Variants in CEP128 observed in about 807,000 individuals in gnomAD.
CEP128 encodes centrosomal protein 128kDa.
A neutral mutation model predicts 156.7 loss-of-function variants in CEP128; 132 were observed. That is an observed-to-expected ratio of 0.84 (90% CI 0.73 to 0.97). The LOEUF is 0.97. Ranked by LOEUF, CEP128 falls within the 50% of genes least tolerant of loss-of-function variation. CEP128 has a pLI of 0.00. For synonymous variants in CEP128, 469 were observed against 448.9 expected (o/e 1.04, Z -0.57); for missense variants, 1,252 against 1,281.9 (o/e 0.98, Z 0.36).
chr14:80,920,681 C>T (rs1594848040), intron 2 of CEP128, among the ~76,000 whole-genome samples: 1 of 152,004 alleles, frequency 6.6e-6, no homozygotes, highest in Admixed American at 6.6e-5. Context: ...TATTCAGGGC[C>T]ATGAGAAAAC....
chr14:80,663,550 CAAT>C, intron 19 of CEP128, among the ~76,000 whole-genome samples: 2 of 152,232 alleles, frequency 1.3e-5, no homozygotes, highest in East Asian at 3.9e-4. Context: ...ATAATAACCA[CAAT>C]GATATCAATC....
chr14:80,563,524 C>CTTTTTTTT (rs540593415), intron 20 of CEP128, among the ~76,000 whole-genome samples: 2,054 of 78,852 alleles, frequency 0.026, 328 homozygotes, highest in East Asian at 0.12. Flanking sequence ...GCCTCCAAAT[C>CTTTTTTTT]TTTTTTTTTT....
intron 19 of CEP128, among the ~76,000 whole-genome samples, chr14:80,599,262 ATTC>A (rs1237415254): frequency 3.4e-5 from 4 of 115,972 alleles, no homozygotes; most frequent in Non-Finnish European, 5.4e-5. Flanking sequence ...ACACAGTCAT[ATTC>A]TTTTTTTTTT....
chr14:80,520,408 G>C (rs1167104399), intron 23 of CEP128, among the ~76,000 whole-genome samples: 4 of 144,420 alleles, frequency 2.8e-5, no homozygotes, highest in Non-Finnish European at 4.6e-5. Context: ...GACAGAGCGA[G>C]ATTCCATCTA....
upstream of CEP128, among the ~76,000 whole-genome samples, chr14:80,943,309 G>A (rs1284984548): frequency 6.6e-6 from 1 of 152,202 alleles, no homozygotes; most frequent in African/African-American, 2.4e-5. Flanking sequence ...ACAAATCTCT[G>A]TGTAATAGAA....
intron 19 of CEP128, among the ~76,000 whole-genome samples, chr14:80,652,251 C>G (rs987730871): frequency 6.6e-6 from 1 of 152,016 alleles, no homozygotes; most frequent in Non-Finnish European, 1.5e-5. Context: ...TAGAAGAAAA[C>G]CTAGGCAATA....
chr14:80,593,903 T>G (rs1468855593), intron 19 of CEP128, among the ~76,000 whole-genome samples: 2 of 152,228 alleles, frequency 1.3e-5, no homozygotes, highest in Admixed American at 1.3e-4. Context: ...CTGCCCGAAG[T>G]AATTTATAGA....
chr14:80,565,933 G>A (rs1033588141), intron 20 of CEP128, among the ~76,000 whole-genome samples: 2 of 152,098 alleles, frequency 1.3e-5, no homozygotes, highest in African/African-American at 4.8e-5. Context: ...ATGCTTTAAA[G>A]ATATCATTAG....
chr14:80,776,216 G>T (rs895986878), intron 16 of CEP128, among the ~76,000 whole-genome samples: 27 of 152,114 alleles, frequency 1.8e-4, no homozygotes, highest in African/African-American at 6.5e-4. Context: ...GCAATCTTCT[G>T]GCTAACTTCA....
intron 19 of CEP128, among the ~76,000 whole-genome samples, chr14:80,667,618 G>A (rs1293784284): frequency 6.6e-6 from 1 of 152,062 alleles, no homozygotes; most frequent in Non-Finnish European, 1.5e-5. Context: ...CAGCACTTTG[G>A]GAGGCCAAGG....
intron 23 of CEP128, among the ~76,000 whole-genome samples, chr14:80,520,549 T>C (rs1157134704): frequency 6.6e-6 from 1 of 152,240 alleles, no homozygotes; most frequent in Non-Finnish European, 1.5e-5. Context: ...AATAGCTAAT[T>C]GATATTTTAT....
At chr14:80,824,635 C>G (rs1462582423) in intron 13 of CEP128, among the ~76,000 whole-genome samples, 1 of 152,190 alleles carries the variant, frequency 6.6e-6, no homozygotes, top group Non-Finnish European at 1.5e-5. Flanking sequence ...CACCTTTGCT[C>G]CAGTTCCCAA....
At chr14:80,936,585 A>G (rs1221001209) in intron 2 of CEP128, among the ~76,000 whole-genome samples, 1 of 152,216 alleles carries the variant, frequency 6.6e-6, no homozygotes, top group African/African-American at 2.4e-5. Flanking sequence ...AGTCATTCAT[A>G]ATTAGTGATA....
chr14:80,895,183 G>A (rs1428780274), intron 8 of CEP128, among the ~76,000 whole-genome samples: 1 of 152,050 alleles, frequency 6.6e-6, no homozygotes, highest in East Asian at 1.9e-4. Flanking sequence ...TGAACAGTGA[G>A]TGTCAACAAT....
intron 9 of CEP128, among the ~76,000 whole-genome samples, chr14:80,849,750 AATCTATCT>A (rs1566669379): frequency 6.6e-6 from 1 of 152,152 alleles, no homozygotes; most frequent in Non-Finnish European, 1.5e-5. Context: ...GGCAAAGGAT[AATCTATCT>A]GTTGGATAAA....
In CEP128 at chr14:80,828,293, T is replaced by A. The variant is rs146551685; in HGVS notation, c.1209+2850A>T. ...ACCTGCCACCACACCTGGCTAATTTTTGTACCTTTAGTAGAGATGTGGTTT... is the reference window on the plus strand; with the variant it reads ...ACCTGCCACCACACCTGGCTAATTTATGTACCTTTAGTAGAGATGTGGTTT... On this transcript the variant is annotated intron_variant, in intron 13 of 24. Transcript: ENST00000555265. Among the ~76,000 whole-genome samples the A allele has an allele frequency of 1.1e-3, 168 of 152,146 alleles. No homozygotes were observed. The East Asian group carries it at 0.026, about 24-fold the overall frequency.
intron 19 of CEP128, among the ~76,000 whole-genome samples, chr14:80,632,282 T>C (rs775959218): frequency 5.3e-5 from 8 of 151,562 alleles, no homozygotes; most frequent in African/African-American, 9.7e-5. Flanking sequence ...AATTATACTA[T>C]ATGTGTACTT....
intron 23 of CEP128, among the ~76,000 whole-genome samples, chr14:80,510,984 G>C (rs1161006282): frequency 1.3e-5 from 2 of 150,808 alleles, no homozygotes; most frequent in African/African-American, 4.9e-5. Context: ...ATAGATTATT[G>C]AATTTGGTTT....
At chr14:80,875,768 T>G (rs1214570438) in intron 8 of CEP128, among the ~76,000 whole-genome samples, 1 of 152,164 alleles carries the variant, frequency 6.6e-6, no homozygotes, top group Admixed American at 6.5e-5. Flanking sequence ...TTCAGGTATA[T>G]GCACACTCGC....
Sources: gnomAD v4.1 joint callset for allele counts (sites outside exome capture counted in the v4.1 genomes callset) on GRCh38, gnomAD v4.1.1 for gene constraint, MANE v1.5 for transcripts, NCBI Gene and HGNC (gene_info 2026-07-23, HGNC 2026-07-21) for gene names.